TTC21B: variants seen among roughly 807,000 people sequenced by gnomAD.
TTC21B encodes tetratricopeptide repeat protein 21B.
TTC21B carries 127 observed loss-of-function variants against 175.1 expected under a neutral mutation model. The ratio of observed to expected loss-of-function variants is 0.73; its 90% CI spans 0.63 to 0.84. The LOEUF (loss-of-function observed/expected upper bound fraction) is 0.84, where lower values mean the gene tolerates loss of function less well. Among genes scored for constraint, TTC21B ranks in the 40% least tolerant of loss-of-function variants. The pLI is 0.00. For synonymous variants in TTC21B, 524 were observed against 524.5 expected (o/e 1.00, Z 0.01); for missense variants, 1,561 against 1,558.3 (o/e 1.00, Z -0.03).
At chr2:165,875,149 CATA>C (rs375456061) in intron 28 of TTC21B, among the ~76,000 whole-genome samples, 22 of 152,272 alleles carry the variant, frequency 1.4e-4, no homozygotes, top group African/African-American at 5.3e-4. Context: ...GCTTTTCATT[CATA>C]ATATCTGATA....
Position 165,917,446 on chromosome 2 carries a change from A to C in TTC21B, c.1710T>G (p.Ala570=), listed in dbSNP as rs766982980. Residue 570 remains alanine (A), a synonymous_variant, in exon 14 of 29, where the codon GCT becomes GCG. Transcript: ENST00000243344. ...TTTCTCCCATTTTCTTTTGTGACTG[A>C]GCTTTTATCAAATGGTATAAAGGAT... The part of the protein sequence containing the change: ...RDYPLYHLIK[A]QSQKKMGEIA... 1.9e-6 allele frequency: 3 copies of C among 1,613,784 alleles called. No homozygotes were observed. In the Admixed American group the frequency reaches 5.0e-5, roughly 27 times the overall value.
In TTC21B at chr2:165,924,598, T is replaced by G. The variant is rs774134966; in HGVS notation, c.1467A>C (p.Pro489=). ...SVLETVVRTV[P]GLLQTVFLIA... ...TTAGGAAGACTGTTTGCAGAAGACC[T>G]GGAACAGTTCTTACTACAGTCTCCA... The change falls in exon 12 of 29, where the codon CCA becomes CCC. Residue 489 remains proline, a synonymous_variant. Transcript: ENST00000243344. 6.8e-6 allele frequency: 11 copies of G among 1,613,656 alleles called. No homozygotes were observed. Among genetic ancestry groups the G allele is most frequent in the Non-Finnish European group, 9.3e-6 (11 of 1,179,834 alleles).
intron 5 of TTC21B, 150 bp downstream of exon 5, chr2:165,943,069 C>G: frequency 1.3e-6 from 1 of 742,884 alleles, no homozygotes. Flanking sequence ...GCTCATTGTC[C>G]TACACAAATG....
In TTC21B at chr2:165,943,243, AT is replaced by A; in HGVS notation, c.527del (p.Asn176MetfsTer26). 1 of 1,613,684 alleles carries A rather than the reference AT, an allele frequency of 6.2e-7. No homozygotes were observed. The highest frequency in any genetic ancestry group is 8.5e-7 in the Non-Finnish European group (1 of 1,179,642). ...KYFEEGLQDG[N>X]DTFALLGKAQ... ...CCTTACCCAGCAGAGCAAAAGTATC[AT>A]TCCCATCTTGGAGTCCCTCTTCAAA... On this transcript the variant is annotated frameshift_variant, in exon 5 of 29. Transcript: ENST00000243344. LOFTEE classifies it high-confidence loss of function.
Position 165,901,867 on chromosome 2 carries a change from T to C in TTC21B, c.2612A>G (p.Glu871Gly), listed in dbSNP as rs1574082762. The C allele has an allele frequency of 6.2e-7, 1 of 1,614,018 alleles. No individual in the cohort carries two copies. Among genetic ancestry groups the C allele is most frequent in the Non-Finnish European group, 8.5e-7 (1 of 1,180,000 alleles). Residue 871 changes from glutamate (E) to glycine (G), a missense_variant, in exon 20 of 29, where the codon GAA becomes GGA. Glu to Gly is a moderately conservative substitution (Grantham distance 98). Coordinates refer to ENST00000243344, the MANE Select transcript of TTC21B (RefSeq NM_024753.5). Reference protein sequence around the residue: ...QARVLKRVQMEQPDAVPAQKH... With the variant: ...QARVLKRVQMGQPDAVPAQKH... The stretch of plus-strand genomic sequence containing the variant: ...CTGTGCAGGAACTGCATCTGGCTGT[T>C]CCATCTGAACACGTTTTAGTACCCG...
chr2:165,896,785 C>T (rs947090273), intron 22 of TTC21B, among the ~76,000 whole-genome samples: 1 of 152,196 alleles, frequency 6.6e-6, no homozygotes, highest in African/African-American at 2.4e-5. Flanking sequence ...TCTTTACTAT[C>T]AGAATTCTGA....
At chr2:165,939,905 T>C (rs1473477024) in intron 6 of TTC21B, among the ~76,000 whole-genome samples, 1 of 152,182 alleles carries the variant, frequency 6.6e-6, no homozygotes, top group African/African-American at 2.4e-5. Flanking sequence ...TAAGTAATTG[T>C]GTGGCTCTGG....
intron 25 of TTC21B, among the ~76,000 whole-genome samples, chr2:165,884,334 A>G (rs1433147987): frequency 6.6e-6 from 1 of 152,198 alleles, no homozygotes; most frequent in African/African-American, 2.4e-5. Flanking sequence ...TTAGTTTTGT[A>G]TAGAAACAGA....
chr2:165,930,505 T>G, intron 8 of TTC21B, 141 bp from the exon 9 acceptor site: 1 of 577,480 alleles, frequency 1.7e-6, no homozygotes, highest in Non-Finnish European at 2.8e-6. Flanking sequence ...TAAGGAAAAA[T>G]AAAACTTTCC....
intron 27 of TTC21B, 84 bp from the exon 28 acceptor site, chr2:165,876,316 T>G: frequency 1.1e-6 from 1 of 871,984 alleles, no homozygotes; most frequent in Non-Finnish European, 2.0e-6. Flanking sequence ...CTTTGCTTAC[T>G]CACTAGAGAA....
At chr2:165,919,625 C>A (rs761605056) in intron 12 of TTC21B, among the ~76,000 whole-genome samples, 192 bp from the exon 13 acceptor site, 1 of 152,144 alleles carries the variant, frequency 6.6e-6, no homozygotes, top group Non-Finnish European at 1.5e-5. Context: ...AATGAATACA[C>A]CTGCAAGTCA....
At chr2:165,945,424 A>T (rs1262032849) in intron 4 of TTC21B, 100 bp downstream of exon 4, 2 of 1,120,088 alleles carry the variant, frequency 1.8e-6, no homozygotes, top group African/African-American at 3.1e-5. Flanking sequence ...CTGGCAATAG[A>T]GTGAACAATA....
At chr2:165,946,448 T>C (rs971983973) in intron 3 of TTC21B, among the ~76,000 whole-genome samples, 1 of 152,320 alleles carries the variant, frequency 6.6e-6, no homozygotes, top group East Asian at 1.9e-4. Context: ...CTAAATAAGT[T>C]TTCTAATAAC....
At position 165,943,321 on chromosome 2, in the gene TTC21B, C is replaced by A; in HGVS notation, c.450G>T (p.Trp150Cys). ...GCTCTTTTCCTCTTGTAATATCAAG[C>A]CATGCTTTCAAAACGTGTCCCTGTA... Reference protein sequence around the residue: ...GSKQGHVLKAWLDITRGKEPY... With the variant: ...GSKQGHVLKACLDITRGKEPY... Residue 150 changes from tryptophan (W) to cysteine (C), a missense_variant, in exon 5 of 29, where the codon TGG becomes TGT. Coordinates refer to ENST00000243344, the MANE Select transcript of TTC21B (RefSeq NM_024753.5). 6.2e-7 allele frequency: 1 copy of A among 1,609,442 alleles called. No individual in the cohort carries two copies. The highest frequency in any genetic ancestry group is 8.5e-7 in the Non-Finnish European group (1 of 1,176,142).
At chr2:165,876,112 G>C (rs1305712526) in intron 28 of TTC21B, 53 bp downstream of exon 28, 1 of 1,028,428 alleles carries the variant, frequency 9.7e-7, no homozygotes, top group Non-Finnish European at 1.5e-6. Context: ...ATTTAAAAAA[G>C]TAGGAAATTG....
At chr2:165,885,019 C>A (rs1273721418) in intron 25 of TTC21B, among the ~76,000 whole-genome samples, 1 of 152,008 alleles carries the variant, frequency 6.6e-6, no homozygotes, top group African/African-American at 2.4e-5. Context: ...GTGTGGTGGC[C>A]AGCCCCTGTA....
intron 28 of TTC21B, 114 bp downstream of exon 28, chr2:165,876,051 T>C: frequency 1.4e-6 from 1 of 701,648 alleles, no homozygotes; most frequent in South Asian, 1.6e-5. Flanking sequence ...TACTGATAAA[T>C]CATTTAACTA....
chr2:165,944,567 A>G (rs921425138), intron 4 of TTC21B, among the ~76,000 whole-genome samples: 1 of 152,156 alleles, frequency 6.6e-6, no homozygotes, highest in Non-Finnish European at 1.5e-5. Flanking sequence ...CACTTCATCC[A>G]AGAAACCATT....
intron 7 of TTC21B, 151 bp from the exon 8 acceptor site, chr2:165,932,007 G>T (rs1686928555): frequency 1.1e-5 from 7 of 630,370 alleles, no homozygotes; most frequent in Non-Finnish European, 1.4e-5. Context: ...ATGATTATAT[G>T]TTATAAAACA....
Sources: gnomAD v4.1 joint callset for allele counts (sites outside exome capture counted in the v4.1 genomes callset) on GRCh38, gnomAD v4.1.1 for gene constraint, MANE v1.5 for transcripts, NCBI Gene and HGNC (gene_info 2026-07-23, HGNC 2026-07-21) for gene names.